Variants in RAB6B observed in about 807,000 individuals in gnomAD.
RAB6B encodes the protein ras-related protein Rab-6B.
In RAB6B, 7 loss-of-function variants were observed where a neutral mutation model predicts 31.2. The observed-to-expected ratio is 0.22, with a 90% CI of 0.13 to 0.42. The LOEUF (loss-of-function observed/expected upper bound fraction) is 0.42, where lower values mean the gene tolerates loss of function less well. Among genes scored for constraint, RAB6B ranks in the 10% least tolerant of loss-of-function variants. The pLI is 1.00. For missense variants in RAB6B, 149 were observed against 280.6 expected (o/e 0.53, Z 3.35); for synonymous variants, 105 against 104.9 (o/e 1.00, Z -0.01).
At chr3:133,873,267 C>T (rs925701138) in intron 1 of RAB6B, among the ~76,000 whole-genome samples, 3 of 152,242 alleles carry the variant, frequency 2.0e-5, no homozygotes, top group Non-Finnish European at 2.9e-5. Flanking sequence ...GCTGGTCCTC[C>T]AGCTCCTCCT....
At chr3:133,835,686 A>T (rs971602752) in intron 6 of RAB6B, among the ~76,000 whole-genome samples, 1 of 152,134 alleles carries the variant, frequency 6.6e-6, no homozygotes, top group Non-Finnish European at 1.5e-5. Flanking sequence ...CCAATGTGAC[A>T]GTATAAAGAG....
chr3:133,827,846 A>G lies in RAB6B; in HGVS notation c.*942T>C, dbSNP rs992343962. The G allele has an allele frequency of 1.6e-6, 1 of 633,840 alleles. No individual in the cohort carries two copies. The highest frequency in any genetic ancestry group is 1.9e-5 in the African/African-American group (1 of 52,870). 39.3% of individuals were successfully genotyped at this position (633,840 alleles called of 1,614,324 possible). A position where few individuals can be genotyped will look rare whatever the true frequency, so the allele number is the denominator to read the frequency against. On this transcript the variant is annotated 3_prime_UTR_variant, in exon 8 of 8. Coordinates refer to ENST00000285208, the MANE Select transcript of RAB6B (RefSeq NM_016577.4). The stretch of plus-strand genomic sequence containing the variant: ...AGGCTTCAGGATGGCACACTGCCCA[A>G]CATCACACACTGAGTTTCTTAGACT...
chr3:133,825,425 C>T lies in RAB6B; in HGVS notation c.*3363G>A, dbSNP rs1276699023. On this transcript the variant is annotated 3_prime_UTR_variant, in exon 8 of 8. Transcript: ENST00000285208. ...AAACTGGTCTGGCCATTGCTCCCCT[C>T]AGACCTGGGAACATGACTGAATGTT... 1 of 152,266 alleles carries T rather than the reference C, an allele frequency of 6.6e-6. No homozygotes were observed. 9.4% of individuals were successfully genotyped at this position (152,266 alleles called of 1,614,324 possible). A position where few individuals can be genotyped will look rare whatever the true frequency, so the allele number is the denominator to read the frequency against.
chr3:133,893,201 C>A (rs1272946655), intron 1 of RAB6B, among the ~76,000 whole-genome samples: 1 of 152,240 alleles, frequency 6.6e-6, no homozygotes, highest in African/African-American at 2.4e-5. Context: ...CTTACTCCCT[C>A]TTGGGGAGGC....
chr3:133,851,145 T>C (rs1935978855), intron 2 of RAB6B, among the ~76,000 whole-genome samples: 1 of 152,212 alleles, frequency 6.6e-6, no homozygotes. Context: ...AGAACTTCAC[T>C]ACAAGAAATG....
chr3:133,883,855 C>T (rs1286779452), intron 1 of RAB6B, among the ~76,000 whole-genome samples: 1 of 152,244 alleles, frequency 6.6e-6, no homozygotes, highest in Non-Finnish European at 1.5e-5. Flanking sequence ...GCTCTCCAAT[C>T]CTGAGCCAAA....
intron 1 of RAB6B, among the ~76,000 whole-genome samples, chr3:133,882,660 C>T (rs1392029371): frequency 1.3e-5 from 2 of 152,252 alleles, no homozygotes; most frequent in African/African-American, 4.8e-5. Context: ...TCCAGTTCTC[C>T]CACATCACAC....
At chr3:133,842,702 T>A (rs148003798) in intron 2 of RAB6B, among the ~76,000 whole-genome samples, 188 of 152,332 alleles carry the variant, frequency 1.2e-3, no homozygotes, top group African/African-American at 4.5e-3. Context: ...CAAATAGATC[T>A]ATGAGTATTT....
At chr3:133,866,950 A>G (rs1487547455) in intron 1 of RAB6B, among the ~76,000 whole-genome samples, 1 of 152,214 alleles carries the variant, frequency 6.6e-6, no homozygotes, top group African/African-American at 2.4e-5. Flanking sequence ...GGGTGGGGAG[A>G]TGGATGGGAA....
intron 2 of RAB6B, among the ~76,000 whole-genome samples, chr3:133,863,838 T>G (rs181960199): frequency 6.6e-6 from 1 of 152,314 alleles, no homozygotes; most frequent in Admixed American, 6.5e-5. Context: ...TTGAAATGAT[T>G]AAGTTTGGTG....
At chr3:133,861,102 A>G (rs760530560) in intron 2 of RAB6B, among the ~76,000 whole-genome samples, 19 of 152,234 alleles carry the variant, frequency 1.2e-4, no homozygotes, top group Non-Finnish European at 2.4e-4. Context: ...CAGGCGGCTC[A>G]CAGACCAGGC....
At chr3:133,850,848 T>C (rs954189021) in intron 2 of RAB6B, among the ~76,000 whole-genome samples, 23 of 151,996 alleles carry the variant, frequency 1.5e-4, no homozygotes, top group African/African-American at 5.5e-4. Context: ...AAATCACATG[T>C]CTATTCATAA....
rs1054330453 is a variant in RAB6B, at chr3:133,835,494, G to C, written c.496-853C>G. ...TTTCTGTGTGTGTGTGTGTGTGTGTGTGTGTGTGTTTGGGCAGGTGTGGGT... is the reference window on the plus strand; with the variant it reads ...TTTCTGTGTGTGTGTGTGTGTGTGTCTGTGTGTGTTTGGGCAGGTGTGGGT... On this transcript the variant is annotated intron_variant, in intron 6 of 7. Transcript: ENST00000285208. 2.8e-4 allele frequency among the ~76,000 whole-genome samples: 42 copies of C among 148,976 alleles called. 2 individuals carry two copies. Among genetic ancestry groups the C allele is most frequent in the Non-Finnish European group, 3.0e-5 (2 of 66,774 alleles).
At chr3:133,887,776 A>G (rs1268841857) in intron 1 of RAB6B, among the ~76,000 whole-genome samples, 1 of 152,192 alleles carries the variant, frequency 6.6e-6, no homozygotes, top group East Asian at 1.9e-4. Flanking sequence ...GGGTTACCCC[A>G]GAGTAGGTGG....
intron 6 of RAB6B, among the ~76,000 whole-genome samples, chr3:133,837,178 G>T (rs1201085829): frequency 6.6e-6 from 1 of 152,094 alleles, no homozygotes; most frequent in African/African-American, 2.4e-5. Flanking sequence ...CCCAACGGCA[G>T]GAGTTCTTAA....
At chr3:133,837,935 G>T (rs1486136675) in intron 6 of RAB6B, among the ~76,000 whole-genome samples, 1 of 152,206 alleles carries the variant, frequency 6.6e-6, no homozygotes, top group Non-Finnish European at 1.5e-5. Context: ...TACGGTGGCT[G>T]GTGACTTATG....
At chr3:133,840,649 G>T (rs1305586415) in intron 4 of RAB6B, among the ~76,000 whole-genome samples, 1 of 152,190 alleles carries the variant, frequency 6.6e-6, no homozygotes, top group Non-Finnish European at 1.5e-5. Flanking sequence ...CAGCCCTGAG[G>T]GCTTATCAGG....
intron 1 of RAB6B, among the ~76,000 whole-genome samples, chr3:133,890,212 T>C (rs1373521796): frequency 1.3e-5 from 2 of 152,184 alleles, no homozygotes; most frequent in African/African-American, 2.4e-5. Flanking sequence ...TCTGGTGGCC[T>C]GGTTGTTCTC....
Sources: gnomAD v4.1 joint callset for allele counts (sites outside exome capture counted in the v4.1 genomes callset) on GRCh38, gnomAD v4.1.1 for gene constraint, MANE v1.5 for transcripts, NCBI Gene and HGNC (gene_info 2026-07-23, HGNC 2026-07-21) for gene names.